Variants in JAK2 observed in about 807,000 individuals in gnomAD.
JAK2 encodes the protein Janus kinase 2.
Under a neutral mutation model 139.3 loss-of-function variants are expected in JAK2, and 86 were observed. The ratio of observed to expected loss-of-function variants is 0.62; its 90% confidence interval spans 0.52 to 0.74. The LOEUF (loss-of-function observed/expected upper bound fraction) is 0.74, where lower values mean the gene tolerates loss of function less well. Ranked by LOEUF, JAK2 falls within the 30% of genes least tolerant of loss-of-function variation. JAK2 has a pLI of 0.00. For missense variants in JAK2, 1,421 were observed against 1,360.3 expected (o/e 1.04, Z -0.70); for synonymous variants, 490 against 437.7 (o/e 1.12, Z -1.49).
chr9:4,997,871 A>G (rs1434227410), intron 2 of JAK2, among the ~76,000 whole-genome samples: 2 of 152,110 alleles, frequency 1.3e-5, no homozygotes, highest in Admixed American at 6.5e-5. Flanking sequence ...TTTCATTTCC[A>G]TGTTTATGTA....
At chr9:5,004,004 A>C (rs1563919254) in intron 2 of JAK2, among the ~76,000 whole-genome samples, 1 of 152,146 alleles carries the variant, frequency 6.6e-6, no homozygotes, top group Non-Finnish European at 1.5e-5. Context: ...GACTATTTAA[A>C]AAATTTTTTT....
intron 2 of JAK2, among the ~76,000 whole-genome samples, chr9:5,002,445 A>G (rs907030723): frequency 2.6e-5 from 4 of 151,982 alleles, no homozygotes; most frequent in Non-Finnish European, 4.4e-5. Flanking sequence ...TTTTCTAGAT[A>G]GTTTTTTGAT....
intron 2 of JAK2, among the ~76,000 whole-genome samples, chr9:5,011,487 G>A (rs1350590307): frequency 6.6e-6 from 1 of 152,142 alleles, no homozygotes; most frequent in Non-Finnish European, 1.5e-5. Context: ...ATGACTCCTG[G>A]CCTAGATTTC....
chr9:5,116,454 A>G (rs1403797163), intron 22 of JAK2, among the ~76,000 whole-genome samples: 1 of 152,230 alleles, frequency 6.6e-6, no homozygotes, highest in Non-Finnish European at 1.5e-5. Flanking sequence ...AGTGAAACTA[A>G]AAAGTAAGAC....
At chr9:5,126,539 A>C (rs745916973) in intron 24 of JAK2, 93 bp downstream of exon 24, 7 of 982,524 alleles carry the variant, frequency 7.1e-6, no homozygotes, top group Middle Eastern at 4.2e-4. Flanking sequence ...TAATGTGCGG[A>C]GCTTCCAGAT....
chr9:5,114,335 C>G (rs1822937433), intron 22 of JAK2: 1 of 535,096 alleles, frequency 1.9e-6, no homozygotes, highest in African/African-American at 1.9e-5. Flanking sequence ...TGGCTCAGGT[C>G]ATCCTAAGGC....
intron 19 of JAK2, chr9:5,085,918 C>G: frequency 9.6e-7 from 1 of 1,044,374 alleles, no homozygotes; most frequent in Non-Finnish European, 1.5e-6. Flanking sequence ...TCATACAGAC[C>G]TTTCAAGTCT....
intron 3 of JAK2, among the ~76,000 whole-genome samples, chr9:5,025,770 G>A (rs1159188091): frequency 3.9e-5 from 6 of 152,132 alleles, no homozygotes; most frequent in Non-Finnish European, 1.5e-5. Context: ...GACTTCAGGT[G>A]ATCCACCTGC....
chr9:5,081,816 A>T lies in JAK2; in HGVS notation c.2526A>T (p.Thr842=). The T allele has an allele frequency of 1.2e-6, 2 of 1,613,798 alleles. No homozygotes were observed. The change falls in exon 19 of 25, where the codon ACA becomes ACT. Residue 842 remains threonine (T), a synonymous_variant. Coordinates refer to ENST00000381652, the MANE Select transcript of JAK2 (RefSeq NM_004972.4). ...GTGCCTTTGAAGACCGGGATCCTAC[A>T]CAGTTTGAAGAGAGACATTTGAAAT... ...FSGAFEDRDP[T]QFEERHLKFL...
At chr9:5,050,050 TGTA>T (rs773465777) in intron 5 of JAK2, among the ~76,000 whole-genome samples, 93 of 152,334 alleles carry the variant, frequency 6.1e-4, no homozygotes, top group Non-Finnish European at 2.1e-4. Context: ...CAACACCACT[TGTA>T]GTATGATACT....
At chr9:5,115,069 G>C (rs1823027792) in intron 22 of JAK2, among the ~76,000 whole-genome samples, 1 of 152,150 alleles carries the variant, frequency 6.6e-6, no homozygotes, top group Admixed American at 6.5e-5. Flanking sequence ...ATAGACAGAT[G>C]GGATCTAATT....
chr9:5,106,863 C>G (rs1822003104), intron 22 of JAK2, among the ~76,000 whole-genome samples: 1 of 152,070 alleles, frequency 6.6e-6, no homozygotes, highest in African/African-American at 2.4e-5. Flanking sequence ...AACACTTGGA[C>G]ACATGGCAGG....
At chr9:5,001,748 G>A (rs1273545764) in intron 2 of JAK2, among the ~76,000 whole-genome samples, 2 of 151,800 alleles carry the variant, frequency 1.3e-5, no homozygotes, top group South Asian at 2.1e-4. Flanking sequence ...TACAGAATTG[G>A]TACTATTTTT....
At chr9:5,032,224 G>T (rs1046556267) in intron 4 of JAK2, among the ~76,000 whole-genome samples, 3 of 152,222 alleles carry the variant, frequency 2.0e-5, no homozygotes, top group African/African-American at 7.2e-5. Context: ...ATTGCCGAGG[G>T]TTGAGTAGGT....
At chr9:4,992,352 C>T (rs150615886) in intron 2 of JAK2, among the ~76,000 whole-genome samples, 2 of 152,282 alleles carry the variant, frequency 1.3e-5, no homozygotes, top group East Asian at 3.9e-4. Context: ...TTGGTAGCTG[C>T]ACAGTATAAC....
chr9:5,105,624 A>G (rs1303610622), intron 22 of JAK2, among the ~76,000 whole-genome samples: 3 of 152,232 alleles, frequency 2.0e-5, no homozygotes, highest in Non-Finnish European at 4.4e-5. Flanking sequence ...CTAAGCCAAA[A>G]GAACAAAGCT....
intron 20 of JAK2, 43 bp from the exon 21 acceptor site, chr9:5,090,403 A>T: frequency 2.1e-6 from 3 of 1,421,634 alleles, no homozygotes; most frequent in Non-Finnish European, 2.8e-6. Flanking sequence ...TAATCAGTAT[A>T]ATATGGCAGA....
intron 22 of JAK2, chr9:5,114,042 G>T: frequency 3.1e-6 from 1 of 319,904 alleles, no homozygotes; most frequent in South Asian, 3.1e-5. Context: ...CATACTGGAG[G>T]ATGAGCTGGC....
intron 22 of JAK2, among the ~76,000 whole-genome samples, chr9:5,106,102 C>G (rs73399334): frequency 2.6e-5 from 4 of 152,174 alleles, no homozygotes; most frequent in African/African-American, 9.7e-5. Flanking sequence ...GCAAAACAAA[C>G]TACCATTAGA....
Sources: allele counts gnomAD v4.1 joint callset (sites outside exome capture counted in the v4.1 genomes callset), GRCh38; gene constraint gnomAD v4.1.1; transcripts MANE v1.5; gene names NCBI Gene and HGNC (gene_info 2026-07-23, HGNC 2026-07-21).